The following INO80 variants were observed in gnomAD, a reference collection of about 807,000 sequenced individuals.
INO80 encodes the protein chromatin-remodeling ATPase INO80.
INO80 carries 20 observed loss-of-function variants against 203.4 expected under a neutral mutation model. The ratio of observed to expected loss-of-function variants is 0.10; its 90% CI spans 0.07 to 0.14. The LOEUF is 0.14. Ranked by LOEUF, INO80 falls within the 10% of genes least tolerant of loss-of-function variation. The probability of loss-of-function intolerance (pLI) is 1.00; values close to 1 mark genes in which losing one functional copy is unlikely to be tolerated. For missense variants in INO80, 1,419 were observed against 1,914.4 expected, an observed-to-expected ratio of 0.74 and a Z score of 4.83; for synonymous variants, 726 against 685.2, an observed-to-expected ratio of 1.06 and a Z score of -0.93.
intron 27 of INO80, among the ~76,000 whole-genome samples, chr15:41,008,951 A>G (rs2044092525): frequency 6.6e-6 from 1 of 152,212 alleles, no homozygotes; most frequent in Non-Finnish European, 1.5e-5. Flanking sequence ...CTCCTGCCTC[A>G]GTCTCCCAGG....
intron 1 of INO80, among the ~76,000 whole-genome samples, chr15:41,115,694 C>T (rs1279293061): frequency 6.6e-6 from 1 of 152,216 alleles, no homozygotes; most frequent in East Asian, 1.9e-4. Flanking sequence ...TAACACACTC[C>T]CCACGTGTGG....
At chr15:41,062,616 T>G (rs1308298134) in intron 14 of INO80, among the ~76,000 whole-genome samples, 2 of 152,168 alleles carry the variant, frequency 1.3e-5, no homozygotes, top group Admixed American at 6.6e-5. Context: ...TGCTGGAAAC[T>G]TAATCTCCAA....
chr15:41,024,886 T>C (rs140746372), intron 25 of INO80, among the ~76,000 whole-genome samples: 1 of 152,320 alleles, frequency 6.6e-6, no homozygotes, highest in Non-Finnish European at 1.5e-5. Flanking sequence ...AATTAGGGTA[T>C]CTCATGAAAT....
chr15:41,009,911 T>C (rs541614241), intron 27 of INO80, among the ~76,000 whole-genome samples: 2 of 152,200 alleles, frequency 1.3e-5, no homozygotes, highest in South Asian at 2.1e-4. Flanking sequence ...AACATACCTG[T>C]TTTAAAAGCA....
chr15:41,057,797 C>CAAAAAAAAAAAAAAAAAAAAAAACAA (rs35197370), intron 16 of INO80, among the ~76,000 whole-genome samples: 1 of 29,344 alleles, frequency 3.4e-5, no homozygotes. Flanking sequence ...AACTACATCT[C>CAAAAAAAAAAAAAAAAAAAAAAACAA]AAAAAAAAAA....
At chr15:40,985,893 G>C (rs1051049270) in intron 31 of INO80, among the ~76,000 whole-genome samples, 2 of 152,096 alleles carry the variant, frequency 1.3e-5, no homozygotes, top group Admixed American at 6.5e-5. Flanking sequence ...GGGCAACACA[G>C]CAAAACTCTG....
chr15:41,020,407 A>G (rs901187948), intron 26 of INO80, among the ~76,000 whole-genome samples: 2 of 152,158 alleles, frequency 1.3e-5, no homozygotes, highest in Non-Finnish European at 2.9e-5. Context: ...GTTTCCTTTC[A>G]ACCCCCGACT....
intron 19 of INO80, among the ~76,000 whole-genome samples, chr15:41,053,342 T>G (rs1363980834): frequency 1.3e-5 from 2 of 152,132 alleles, no homozygotes; most frequent in Non-Finnish European, 2.9e-5. Flanking sequence ...CCTGACCTCA[T>G]GATCCGCCCA....
chr15:41,019,046 C>T (rs900180341), intron 26 of INO80, among the ~76,000 whole-genome samples: 3 of 152,176 alleles, frequency 2.0e-5, no homozygotes, highest in African/African-American at 7.2e-5. Flanking sequence ...GTGTAAGATC[C>T]TGTTCAGAGA....
chr15:41,028,862 A>G (rs181069865), intron 24 of INO80, among the ~76,000 whole-genome samples: 3 of 152,334 alleles, frequency 2.0e-5, no homozygotes, highest in African/African-American at 7.2e-5. Context: ...CCCAAAAAAA[A>G]AAAGTATTTT....
intron 1 of INO80, among the ~76,000 whole-genome samples, chr15:41,102,378 G>C (rs2045822415): frequency 6.6e-6 from 1 of 151,646 alleles, no homozygotes; most frequent in African/African-American, 2.4e-5. Flanking sequence ...TTTAAAAAGG[G>C]CATATTAGGC....
At position 41,052,593 on chromosome 15, in the gene INO80, A is replaced by G. The variant is rs1445877317; in HGVS notation, c.2274+1336T>C. 2.7e-5 allele frequency among the ~76,000 whole-genome samples: 4 copies of G among 149,262 alleles called. No individual in the cohort carries two copies. In the Admixed American group the frequency reaches 2.7e-4, roughly 10 times the overall value. On this transcript the variant is annotated intron_variant, in intron 19 of 35. Transcript: ENST00000648947. The stretch of plus-strand genomic sequence containing the variant: ...GAAGCTGAGGTGGGAGGACTGCTTG[A>G]GCCAAGGAGGTCAAAGCTGAAGTGA...
At chr15:41,060,159 C>T (rs1195330140) in intron 14 of INO80, among the ~76,000 whole-genome samples, 1 of 152,160 alleles carries the variant, frequency 6.6e-6, no homozygotes, top group Non-Finnish European at 1.5e-5. Context: ...TGGGCAATTA[C>T]AGAGGCCCAA....
chr15:41,100,231 C>T (rs377729446), intron 1 of INO80, among the ~76,000 whole-genome samples: 1 of 152,038 alleles, frequency 6.6e-6, no homozygotes, highest in Admixed American at 6.6e-5. Context: ...CCTGCCACCA[C>T]GCCAGGCTAA....
chr15:41,042,770 G>A (rs1486575390), intron 24 of INO80, among the ~76,000 whole-genome samples: 3 of 152,160 alleles, frequency 2.0e-5, no homozygotes, highest in South Asian at 2.1e-4. Flanking sequence ...CACCACGCCC[G>A]GCTGACAGTC....
At chr15:41,085,768 C>T (rs1441689218) in intron 6 of INO80, among the ~76,000 whole-genome samples, 185 bp from the exon 7 acceptor site, 5 of 152,200 alleles carry the variant, frequency 3.3e-5, no homozygotes, top group Non-Finnish European at 7.3e-5. Flanking sequence ...AAGAAACATA[C>T]TGATTGATAC....
chr15:41,024,277 T>G (rs1170192146), intron 25 of INO80, among the ~76,000 whole-genome samples: 1 of 152,176 alleles, frequency 6.6e-6, no homozygotes, highest in African/African-American at 2.4e-5. Context: ...TGTAAGTATG[T>G]AAGCAATGTA....
intron 9 of INO80, among the ~76,000 whole-genome samples, chr15:41,077,221 T>C (rs1361045902): frequency 2.4e-5 from 3 of 126,372 alleles, no homozygotes; most frequent in African/African-American, 1.5e-4. Context: ...TTGCTTTATT[T>C]TTTTTTTTTT....
chr15:41,014,570 AT>A (rs1216958938), intron 27 of INO80, among the ~76,000 whole-genome samples: 1 of 152,216 alleles, frequency 6.6e-6, no homozygotes, highest in East Asian at 1.9e-4. Flanking sequence ...GGTGACTTAC[AT>A]TCACTCATAA....
Sources: gnomAD v4.1 joint callset for allele counts (sites outside exome capture counted in the v4.1 genomes callset) on GRCh38, gnomAD v4.1.1 for gene constraint, MANE v1.5 for transcripts, NCBI Gene and HGNC (gene_info 2026-07-23, HGNC 2026-07-21) for gene names.